The following RERG variants were observed in gnomAD, a reference collection of about 807,000 sequenced individuals.
RERG encodes RAS like estrogen regulated growth inhibitor.
RERG carries 25 observed loss-of-function variants against 23.2 expected under a neutral mutation model. The ratio of observed to expected loss-of-function variants is 1.08; its 90% CI spans 0.79 to 1.50. RERG has a LOEUF of 1.50. Among genes scored for constraint, RERG ranks in the 40% most tolerant of loss-of-function variants. The pLI is 0.00. For missense variants in RERG, 253 were observed against 250.1 expected, an observed-to-expected ratio of 1.01 and a Z score of -0.08; for synonymous variants, 81 against 89.1, an observed-to-expected ratio of 0.91 and a Z score of 0.51.
intron 2 of RERG, among the ~76,000 whole-genome samples, chr12:15,125,678 G>A (rs1863924868): frequency 1.3e-5 from 2 of 151,990 alleles, no homozygotes; most frequent in African/African-American, 4.8e-5. Context: ...GAAAAGAGAA[G>A]AATGAGAGGA....
intron 2 of RERG, among the ~76,000 whole-genome samples, chr12:15,142,474 G>A (rs1303984747): frequency 3.3e-5 from 5 of 152,060 alleles, no homozygotes; most frequent in Non-Finnish European, 5.9e-5. Context: ...TCTCTGTTTG[G>A]AAATAAACTA....
chr12:15,142,602 G>C (rs1018403553), intron 2 of RERG, among the ~76,000 whole-genome samples: 3 of 152,024 alleles, frequency 2.0e-5, no homozygotes, highest in African/African-American at 7.2e-5. Flanking sequence ...GGATTGTTTG[G>C]TGGCGACTTA....
chr12:15,112,208 G>A (rs1469178151), intron 3 of RERG, among the ~76,000 whole-genome samples: 2 of 152,300 alleles, frequency 1.3e-5, no homozygotes, highest in South Asian at 2.1e-4. Flanking sequence ...GGAAATGTAA[G>A]AGATATTACC....
intron 2 of RERG, among the ~76,000 whole-genome samples, chr12:15,148,942 C>T (rs1864388298): frequency 7.4e-6 from 1 of 135,536 alleles, no homozygotes; most frequent in South Asian, 2.5e-4. Context: ...CGTCTCGGCT[C>T]ACTGCAACCT....
At position 15,108,879 on chromosome 12, in the gene RERG, T is replaced by C. The variant is rs1863546014; in HGVS notation, c.*231A>G. ...TTTCAGAATCTCTGGTGATTACATG[T>C]TCAAATGCCATTAGAGTGTATCTTA... On this transcript the variant is annotated 3_prime_UTR_variant, in exon 5 of 5. Coordinates refer to ENST00000256953, the MANE Select transcript of RERG (RefSeq NM_032918.3). 1.4e-5 allele frequency: 6 copies of C among 425,988 alleles called. No individual in the cohort carries two copies. Among genetic ancestry groups the C allele is most frequent in the Admixed American group, 8.5e-5 (2 of 23,622 alleles). The allele number at this position is 425,988 out of a possible 1,614,324, so 26.4% of individuals were successfully genotyped here. A position where few individuals can be genotyped will look rare whatever the true frequency, so the allele number is the denominator to read the frequency against.
Position 15,217,603 on chromosome 12 carries a change from C to A in RERG, c.-114G>T. ...TGTGAATCTTGGAAGAGTCCACAAT[C>A]CTTAAACAAAAGAAATTTGGGAATT... On this transcript the variant is annotated splice_region_variant and 5_prime_UTR_variant, in exon 2 of 5. Transcript: ENST00000256953. 1.3e-6 allele frequency: 1 copy of A among 751,356 alleles called. No homozygotes were observed. The highest frequency in any genetic ancestry group is 2.3e-6 in the Non-Finnish European group (1 of 432,802). The allele number at this position is 751,356 out of a possible 1,614,324, so 46.5% of individuals were successfully genotyped here.
At chr12:15,126,719 TC>T (rs1863949837) in intron 2 of RERG, among the ~76,000 whole-genome samples, 2 of 106,316 alleles carry the variant, frequency 1.9e-5, no homozygotes, top group African/African-American at 3.6e-5. Context: ...TTTTTCTTTT[TC>T]TTTCTTTTTT....
intron 2 of RERG, among the ~76,000 whole-genome samples, chr12:15,121,859 A>G (rs1863837922): frequency 6.6e-6 from 1 of 152,186 alleles, no homozygotes; most frequent in Admixed American, 6.5e-5. Context: ...TAACTTATCC[A>G]TTGTATCAAA....
At chr12:15,134,159 G>C (rs561852400) in intron 2 of RERG, among the ~76,000 whole-genome samples, 6 of 151,692 alleles carry the variant, frequency 4.0e-5, no homozygotes, top group Admixed American at 3.3e-4. Context: ...GTATAAAAAA[G>C]TCACCACCAT....
chr12:15,187,378 C>A (rs1865007465), intron 2 of RERG, among the ~76,000 whole-genome samples: 1 of 152,112 alleles, frequency 6.6e-6, no homozygotes, highest in Non-Finnish European at 1.5e-5. Flanking sequence ...CCAGCAAACT[C>A]CTTAAGTCTG....
chr12:15,139,117 G>T (rs1864193415), intron 2 of RERG, among the ~76,000 whole-genome samples: 1 of 138,580 alleles, frequency 7.2e-6, no homozygotes, highest in Non-Finnish European at 1.5e-5. Flanking sequence ...TTTGCTCCTT[G>T]GTAAAATATC....
intron 3 of RERG, among the ~76,000 whole-genome samples, chr12:15,118,749 C>T (rs1404715387): frequency 6.6e-6 from 1 of 152,042 alleles, no homozygotes; most frequent in African/African-American, 2.4e-5. Context: ...CGTAAGATGC[C>T]TGCTCCCACT....
At chr12:15,192,580 A>G (rs1477583744) in intron 2 of RERG, among the ~76,000 whole-genome samples, 1 of 152,220 alleles carries the variant, frequency 6.6e-6, no homozygotes. Flanking sequence ...TGCAATTATC[A>G]AGACTAAGAA....
At chr12:15,141,874 C>A (rs976737552) in intron 2 of RERG, among the ~76,000 whole-genome samples, 4 of 152,134 alleles carry the variant, frequency 2.6e-5, no homozygotes, top group Admixed American at 2.6e-4. Flanking sequence ...AATATTTTTT[C>A]ACATTTATTT....
intron 2 of RERG, among the ~76,000 whole-genome samples, chr12:15,121,630 A>C (rs1347676574): frequency 6.6e-6 from 1 of 152,252 alleles, no homozygotes; most frequent in African/African-American, 2.4e-5. Context: ...ACTCATCAAA[A>C]GTAGCACTGA....
At chr12:15,133,061 AT>A (rs1226811746) in intron 2 of RERG, among the ~76,000 whole-genome samples, 1 of 138,802 alleles carries the variant, frequency 7.2e-6, no homozygotes, top group African/African-American at 2.7e-5. Flanking sequence ...TTTTTTAACA[AT>A]GATGAATCTA....
At chr12:15,195,465 C>T (rs1865130094) in intron 2 of RERG, among the ~76,000 whole-genome samples, 1 of 151,830 alleles carries the variant, frequency 6.6e-6, no homozygotes, top group Non-Finnish European at 1.5e-5. Context: ...TGGCCTTCAC[C>T]CTATTCCACA....
chr12:15,123,187 G>A (rs1031020060), intron 2 of RERG, among the ~76,000 whole-genome samples: 1 of 152,118 alleles, frequency 6.6e-6, no homozygotes, highest in Non-Finnish European at 1.5e-5. Flanking sequence ...TTACATGAGC[G>A]AAGTTTACAG....
At chr12:15,143,755 G>A (rs1864281603) in intron 2 of RERG, among the ~76,000 whole-genome samples, 1 of 152,072 alleles carries the variant, frequency 6.6e-6, no homozygotes. Context: ...ATGGTGGTAA[G>A]TGCTATGAAG....
Sources: allele counts gnomAD v4.1 joint callset (sites outside exome capture counted in the v4.1 genomes callset), GRCh38; gene constraint gnomAD v4.1.1; transcripts MANE v1.5; gene names NCBI Gene and HGNC (gene_info 2026-07-23, HGNC 2026-07-21).